The following MAST2 variants were observed in gnomAD, a reference collection of about 807,000 sequenced individuals.
MAST2 encodes microtubule associated serine/threonine kinase 2.
Under a neutral mutation model 147.4 loss-of-function variants are expected in MAST2, and 70 were observed. The ratio of observed to expected loss-of-function variants is 0.47; its 90% CI spans 0.39 to 0.58. The LOEUF (loss-of-function observed/expected upper bound fraction) is 0.58. Ranked by LOEUF, MAST2 falls within the 20% of genes least tolerant of loss-of-function variation. The pLI, the probability that MAST2 is intolerant of heterozygous loss-of-function variation, is 0.00. For missense variants in MAST2, 2,080 were observed against 2,302.3 expected (o/e 0.90, Z 1.98); for synonymous variants, 869 against 896.8 (o/e 0.97, Z 0.55).
intron 5 of MAST2, among the ~76,000 whole-genome samples, chr1:45,987,764 TTTTTTTTTTTTGA>T (rs1644690325): frequency 3.0e-5 from 4 of 135,392 alleles, no homozygotes; most frequent in Admixed American, 1.6e-4. Context: ...CATTTCTTGT[TTTTTTTTTTTTGA>T]TTTTTTTTTT....
At chr1:46,007,631 G>A (rs540912379) in intron 8 of MAST2, among the ~76,000 whole-genome samples, 2 of 152,302 alleles carry the variant, frequency 1.3e-5, no homozygotes, top group South Asian at 4.1e-4. Flanking sequence ...GCAGTAAACT[G>A]GGCAAGACCC....
At chr1:46,032,809 C>CG in intron 26 of MAST2, 91 bp downstream of exon 26, 1 of 1,518,474 alleles carries the variant, frequency 6.6e-7, no homozygotes, top group Non-Finnish European at 9.0e-7. Flanking sequence ...GAGTTGGGTG[C>CG]ACACACATCT....
chr1:45,829,412 T>C (rs1421228496), intron 2 of MAST2, 27 bp from the exon 3 acceptor site: 1 of 1,594,952 alleles, frequency 6.3e-7, no homozygotes, highest in Non-Finnish European at 8.6e-7. Context: ...TAATTACATG[T>C]ATATTTTCCA....
At chr1:45,880,463 G>A (rs1330189226) in intron 3 of MAST2, among the ~76,000 whole-genome samples, 1 of 152,156 alleles carries the variant, frequency 6.6e-6, no homozygotes, top group Non-Finnish European at 1.5e-5. Context: ...TGATGGACAT[G>A]TTCTATATTT....
chr1:45,880,468 A>G (rs748940534), intron 3 of MAST2, among the ~76,000 whole-genome samples: 4 of 152,194 alleles, frequency 2.6e-5, no homozygotes, highest in South Asian at 2.1e-4. Context: ...GACATGTTCT[A>G]TATTTTGATA....
chr1:45,890,281 G>A (rs556706064), intron 4 of MAST2, among the ~76,000 whole-genome samples: 11 of 152,318 alleles, frequency 7.2e-5, no homozygotes, highest in African/African-American at 2.4e-4. Context: ...TAGTATGTAA[G>A]TATTAGCTCA....
intron 4 of MAST2, among the ~76,000 whole-genome samples, chr1:45,888,921 T>C (rs911757632): frequency 2.8e-5 from 4 of 141,182 alleles, no homozygotes; most frequent in East Asian, 2.2e-4. Context: ...TCATCATCCA[T>C]CCGCCTCGGC....
intron 4 of MAST2, among the ~76,000 whole-genome samples, chr1:45,924,343 T>C (rs1232326009): frequency 6.6e-6 from 1 of 152,226 alleles, no homozygotes; most frequent in African/African-American, 2.4e-5. Context: ...GATGAACCTC[T>C]CTTACTCAAT....
chr1:46,030,659 C>G lies in MAST2; in HGVS notation c.2606C>G (p.Pro869Arg). Residue 869 changes from proline (P) to arginine (R), a missense_variant, in exon 22 of 29, where the codon CCC becomes CGC. By Grantham distance (103) the Pro-to-Arg change is moderately radical. Transcript: ENST00000361297. ...LSLLEERRTPPPTKRSLSEEK... is the reference protein window; with the variant it reads ...LSLLEERRTPRPTKRSLSEEK... Reference sequence around the variant, plus strand: ...CTGCTCGAGGAGCGCCGGACACCACCCCCGACCAAGCGCAGCCTGAGTGAG... The same window carrying G: ...CTGCTCGAGGAGCGCCGGACACCACGCCCGACCAAGCGCAGCCTGAGTGAG... 6.2e-7 allele frequency: 1 copy of G among 1,611,856 alleles called. No individual in the cohort carries two copies. The highest frequency in any genetic ancestry group is 8.5e-7 in the Non-Finnish European group (1 of 1,179,368).
intron 3 of MAST2, among the ~76,000 whole-genome samples, chr1:45,881,700 C>A (rs1646852223): frequency 6.6e-6 from 1 of 152,088 alleles, no homozygotes; most frequent in African/African-American, 2.4e-5. Flanking sequence ...CTTCTGTATG[C>A]TTGCCACTAA....
intron 3 of MAST2, among the ~76,000 whole-genome samples, chr1:45,830,847 G>A (rs1311497511): frequency 6.6e-6 from 1 of 151,518 alleles, no homozygotes; most frequent in African/African-American, 2.4e-5. Context: ...ACATAGTTGA[G>A]ACCTTGTCTA....
At chr1:45,890,977 T>A (rs190560388) in intron 4 of MAST2, among the ~76,000 whole-genome samples, 70 of 152,254 alleles carry the variant, frequency 4.6e-4, no homozygotes, top group Middle Eastern at 6.8e-3. Context: ...TTTTAAAAAA[T>A]AAGCACATGT....
intron 9 of MAST2, among the ~76,000 whole-genome samples, chr1:46,010,150 A>G (rs1433155955): frequency 3.3e-5 from 5 of 152,218 alleles, no homozygotes; most frequent in Non-Finnish European, 7.3e-5. Context: ...GTTAAGTAAG[A>G]GGATCCTGAG....
chr1:45,953,528 G>GA (rs1659234409), intron 4 of MAST2, among the ~76,000 whole-genome samples: 1 of 152,136 alleles, frequency 6.6e-6, no homozygotes, highest in African/African-American at 2.4e-5. Flanking sequence ...ATGCTATTGG[G>GA]AAAAAAGGTA....
intron 5 of MAST2, among the ~76,000 whole-genome samples, chr1:45,980,682 G>A (rs1038671995): frequency 3.9e-5 from 6 of 151,966 alleles, no homozygotes; most frequent in Non-Finnish European, 7.4e-5. Flanking sequence ...CTACATGTGC[G>A]CACCACTATG....
Position 46,031,300 on chromosome 1 carries a change from A to C in MAST2, c.2992+10A>C, listed in dbSNP as rs773573116. On this transcript the variant is annotated intron_variant, in intron 23 of 28. Coordinates refer to ENST00000361297, the MANE Select transcript of MAST2 (RefSeq NM_015112.3). This position sits in a 1 kb window ranked among gnomAD's most constrained non-coding sequence, Gnocchi z 4.1. ...AGTGGTTCCAGTCCAGGTATGGCCC[A>C]GTGGGCGGCCAAACGACCTAAGCTG... 1 of 1,542,542 alleles carries C rather than the reference A, an allele frequency of 6.5e-7. No individual in the cohort carries two copies. The highest frequency in any genetic ancestry group is 8.8e-7 in the Non-Finnish European group (1 of 1,140,902).
chr1:45,938,270 T>C (rs926417000), intron 4 of MAST2, among the ~76,000 whole-genome samples: 2 of 152,208 alleles, frequency 1.3e-5, no homozygotes, highest in African/African-American at 4.8e-5. Context: ...TGTGGACATA[T>C]GTTTTTATTT....
chr1:45,926,571 A>G (rs1654398272), intron 4 of MAST2, among the ~76,000 whole-genome samples: 1 of 152,160 alleles, frequency 6.6e-6, no homozygotes, highest in African/African-American at 2.4e-5. Flanking sequence ...ACATGGACTG[A>G]AATGAAAAAC....
At chr1:45,915,566 C>T (rs1249183303) in intron 4 of MAST2, among the ~76,000 whole-genome samples, 4 of 151,992 alleles carry the variant, frequency 2.6e-5, no homozygotes, top group Admixed American at 1.3e-4. Flanking sequence ...AAAAATTAGC[C>T]GGACGTGGTG....
Sources: allele counts gnomAD v4.1 joint callset (sites outside exome capture counted in the v4.1 genomes callset), GRCh38; gene constraint gnomAD v4.1.1; non-coding constraint Gnocchi (gnomAD v3.1); transcripts MANE v1.5; gene names NCBI Gene and HGNC (gene_info 2026-07-23, HGNC 2026-07-21).